Variants in PTCH1 observed in about 807,000 individuals in gnomAD.
PTCH1 encodes protein patched homolog 1.
PTCH1 carries 14 observed loss-of-function variants against 144.6 expected under a neutral mutation model. The observed-to-expected ratio is 0.10, with a 90% CI of 0.06 to 0.15. PTCH1 has a LOEUF of 0.15. Among genes scored for constraint, PTCH1 ranks in the 10% least tolerant of loss-of-function variants. PTCH1 has a pLI of 1.00. For missense variants in PTCH1, 1,623 were observed against 1,948.3 expected, an observed-to-expected ratio of 0.83 and a Z score of 3.14; for synonymous variants, 833 against 793.6, an observed-to-expected ratio of 1.05 and a Z score of -0.83.
chr9:95,457,902 G>A lies in PTCH1; in HGVS notation c.3168+111C>T, dbSNP rs560082515. 48 of 1,412,314 alleles carry A rather than the reference G, an allele frequency of 3.4e-5. No homozygotes were observed. In the African/African-American group the frequency reaches 6.1e-4, roughly 18 times the overall value. 87.5% of individuals were successfully genotyped at this position (1,412,314 alleles called of 1,614,324 possible). Reference sequence around the variant, plus strand: ...GTAGAATAAACATATTACGGATGATGCAAGCTATACCCTCCTCCAGAGGCC... The same window carrying A: ...GTAGAATAAACATATTACGGATGATACAAGCTATACCCTCCTCCAGAGGCC... On this transcript the variant is annotated intron_variant, in intron 18 of 23. Transcript: ENST00000331920.
At chr9:95,457,974 G>GGAA (rs1839088777) in intron 18 of PTCH1, 39 bp downstream of exon 18, 1 of 1,612,736 alleles carries the variant, frequency 6.2e-7, no homozygotes. Context: ...TATGCTGAAA[G>GGAA]GAATTTGACT....
intron 12 of PTCH1, among the ~76,000 whole-genome samples, chr9:95,471,647 G>T (rs971499727): frequency 6.6e-5 from 10 of 152,222 alleles, no homozygotes; most frequent in African/African-American, 2.2e-4. Context: ...GATGGATGGC[G>T]TCATGAAGGC....
rs1453086717 is a variant in PTCH1, at chr9:95,449,331, A to T, written c.3550-8T>A. On this transcript the variant is annotated splice_region_variant and splice_polypyrimidine_tract_variant and intron_variant, in intron 21 of 23. Coordinates refer to ENST00000331920, the MANE Select transcript of PTCH1 (RefSeq NM_000264.5). The surrounding 1 kb of genome is among the most constrained non-coding windows in gnomAD (Gnocchi z 5.3). ...GCCGTTGGCTGGAGACACCTATTTA[A>T]GGGGATTCCATGTTAAAAGTGTTCT... 1 of 1,545,074 alleles carries T rather than the reference A, an allele frequency of 6.5e-7. No individual in the cohort carries two copies. The highest frequency in any genetic ancestry group is 1.2e-5 in the South Asian group (1 of 84,290).
intron 12 of PTCH1, among the ~76,000 whole-genome samples, chr9:95,474,473 G>A (rs1050289242): frequency 3.9e-5 from 6 of 152,150 alleles, no homozygotes; most frequent in Non-Finnish European, 8.8e-5. Context: ...GCTTTGGTTC[G>A]AGCATCAGAT....
chr9:95,458,869 A>G lies in PTCH1; in HGVS notation c.2888-576T>C, dbSNP rs1377282938. On this transcript the variant is annotated intron_variant, in intron 17 of 23. Coordinates refer to ENST00000331920, the MANE Select transcript of PTCH1 (RefSeq NM_000264.5). This position sits in a 1 kb window ranked among gnomAD's most constrained non-coding sequence, Gnocchi z 4.7. ...GCTAAACATGATTTGCCCTATTATA[A>G]TCTCAACTATAAATTTTCATTAAGA... Among the ~76,000 whole-genome samples, 1 of 152,094 alleles carries G rather than the reference A, an allele frequency of 6.6e-6. No individual in the cohort carries two copies. Among genetic ancestry groups the G allele is most frequent in the Non-Finnish European group, 1.5e-5 (1 of 68,026 alleles).
upstream of PTCH1, among the ~76,000 whole-genome samples, chr9:95,511,611 A>C (rs1844163698): frequency 6.6e-6 from 1 of 152,220 alleles, no homozygotes; most frequent in Non-Finnish European, 1.5e-5. Flanking sequence ...CTCGGAAAGC[A>C]GGCGGGCAGC....
rs1000066632 is a variant in PTCH1 at position 95,494,280 on chromosome 9, G to A, written c.395-8406C>T. Reference sequence around the variant, plus strand: ...CGCAGACCTGCTCGCCCTGTCAGATGCAATCAGGTCAGCCCGGCACTCTGC... The same window carrying A: ...CGCAGACCTGCTCGCCCTGTCAGATACAATCAGGTCAGCCCGGCACTCTGC... On this transcript the variant is annotated intron_variant, in intron 2 of 23. Transcript: ENST00000331920. 3.0e-6 allele frequency: 3 copies of A among 985,404 alleles called. No homozygotes were observed. In the African/African-American group the frequency reaches 5.2e-5, roughly 17 times the overall value. 61.0% of individuals were successfully genotyped at this position (985,404 alleles called of 1,614,324 possible). A position where few individuals can be genotyped will look rare whatever the true frequency, so the allele number is the denominator to read the frequency against.
At position 95,447,429 on chromosome 9, in the gene PTCH1, T is replaced by C. The variant is rs1445693994; in HGVS notation, c.3827A>G (p.His1276Arg). The C allele has an allele frequency of 1.3e-6, 2 of 1,597,604 alleles. No homozygotes were observed. Among genetic ancestry groups the C allele is most frequent in the African/African-American group, 1.3e-5 (1 of 74,268 alleles). The change falls in exon 23 of 24, where the codon CAT becomes CGT. Residue 1276 changes from histidine (H) to arginine (R), a missense_variant. Physicochemically the swap from His to Arg is conservative, Grantham distance 29. This residue lies in a region of PTCH1 where 291 missense variants were observed against 287.4 expected (regional missense o/e 1.01). Coordinates refer to ENST00000331920, the MANE Select transcript of PTCH1 (RefSeq NM_000264.5). ...HSTVVHPESR[H>R]HPPSNPRQQP... ...CTGTCTCGGGTTCGAGGGTGGGTGA[T>C]GCCTGGATTCGGGATGGACCACCTG... is the stretch of plus-strand genomic sequence containing the variant.
chr9:95,492,874 T>C (rs1408542891), intron 2 of PTCH1, among the ~76,000 whole-genome samples: 1 of 152,156 alleles, frequency 6.6e-6, no homozygotes, highest in Non-Finnish European at 1.5e-5. Context: ...ATTTTCCTTC[T>C]GGTCCCCAGA....
At chr9:95,485,975 C>A (rs1841938039) in intron 2 of PTCH1, 101 bp from the exon 3 acceptor site, 2 of 1,315,572 alleles carry the variant, frequency 1.5e-6, no homozygotes, top group South Asian at 2.4e-5. Flanking sequence ...AATAGATGAA[C>A]TCTAGTCATG....
At chr9:95,502,999 T>C (rs1039778140) in intron 2 of PTCH1, among the ~76,000 whole-genome samples, 4 of 152,222 alleles carry the variant, frequency 2.6e-5, no homozygotes, top group African/African-American at 9.6e-5. Flanking sequence ...GCTCCTGTGA[T>C]TTTAAACCGC....
chr9:95,446,312 T>A lies in PTCH1; in HGVS notation c.*81A>T. On this transcript the variant is annotated 3_prime_UTR_variant, in exon 24 of 24. Transcript: ENST00000331920. ...GCATCTTTTCCATAACTCCAACCAGTTCTCTTCAAGCAGTTCTGGAAAGAG... is the reference window on the plus strand; with the variant it reads ...GCATCTTTTCCATAACTCCAACCAGATCTCTTCAAGCAGTTCTGGAAAGAG... 2.0e-6 allele frequency: 1 copy of A among 512,750 alleles called. No homozygotes were observed. Among genetic ancestry groups the A allele is most frequent in the Non-Finnish European group, 3.9e-6 (1 of 257,014 alleles). 31.8% of individuals were successfully genotyped at this position (512,750 alleles called of 1,614,324 possible).
chr9:95,481,698 T>C, intron 5 of PTCH1: 1 of 545,274 alleles, frequency 1.8e-6, no homozygotes, highest in Admixed American at 3.2e-5. Context: ...ATTTGCATTT[T>C]ATTTGCATAT....
chr9:95,470,469 G>T (rs760149072), intron 12 of PTCH1, among the ~76,000 whole-genome samples: 2 of 152,122 alleles, frequency 1.3e-5, no homozygotes, highest in Non-Finnish European at 2.9e-5. Context: ...GGGTGTGAGA[G>T]CAAGAAACAT....
chr9:95,495,137 T>C (rs773567695), intron 2 of PTCH1: 1 of 152,362 alleles, frequency 6.6e-6, no homozygotes, highest in South Asian at 2.1e-4. Context: ...ACTTTCATGA[T>C]TTTGTTGCCA....
At chr9:95,482,409 G>A in intron 3 of PTCH1, 1 of 597,880 alleles carries the variant, frequency 1.7e-6, no homozygotes, top group Middle Eastern at 4.5e-4. Context: ...CATGTAGGGT[G>A]TTTATGTAAA....
rs28493225 is a variant in PTCH1 at position 95,464,025 on chromosome 9, C to T, written c.2561-2027G>A. Among the ~76,000 whole-genome samples the T allele has an allele frequency of 0.11, 16,439 of 152,162 alleles. 1,022 individuals carry two copies. Among genetic ancestry groups the T allele is most frequent in the African/African-American group, 0.16 (6,839 of 41,488 alleles). ...CACACACAAAGACTTCTGGGACACC[C>T]GAGGGTGAAACAAAGGAAGAAAGAT... On this transcript the variant is annotated intron_variant, in intron 15 of 23. Coordinates refer to ENST00000331920, the MANE Select transcript of PTCH1 (RefSeq NM_000264.5).
chr9:95,457,912 C>T, intron 18 of PTCH1, 101 bp downstream of exon 18: 1 of 1,470,336 alleles, frequency 6.8e-7, no homozygotes, highest in Non-Finnish European at 9.4e-7. Flanking sequence ...GCAAGCTATA[C>T]CCTCCTCCAG....
At chr9:95,507,568 G>T (rs959702099) in intron 1 of PTCH1, 4 of 436,248 alleles carry the variant, frequency 9.2e-6, no homozygotes, top group Non-Finnish European at 1.2e-5. Context: ...CCTGGAAAAC[G>T]GGGGGGATAT....
Sources: gnomAD v4.1 joint callset for allele counts (sites outside exome capture counted in the v4.1 genomes callset) on GRCh38, gnomAD v4.1.1 for gene constraint, gnomAD v4.1.1 regional missense constraint, Gnocchi (gnomAD v3.1) non-coding constraint, MANE v1.5 for transcripts, NCBI Gene and HGNC (gene_info 2026-07-23, HGNC 2026-07-21) for gene names.